Variants in DOCK8 observed in about 807,000 individuals in gnomAD.
DOCK8 encodes the protein dedicator of cytokinesis 8, also known as dedicator of cytokinesis protein 8.
In DOCK8, 141 loss-of-function variants were observed where a neutral mutation model predicts 245.6. That is an observed-to-expected ratio of 0.57 (90% CI 0.50 to 0.66). The LOEUF (loss-of-function observed/expected upper bound fraction) is 0.66. Ranked by LOEUF, DOCK8 falls within the 30% of genes least tolerant of loss-of-function variation. The pLI, the probability that DOCK8 is intolerant of heterozygous loss-of-function variation, is 0.00. For missense variants in DOCK8, 2,965 were observed against 2,603.4 expected, an observed-to-expected ratio of 1.14 and a Z score of -3.02; for synonymous variants, 1,168 against 970.2, an observed-to-expected ratio of 1.20 and a Z score of -3.79.
intron 26 of DOCK8, among the ~76,000 whole-genome samples, chr9:400,385 C>CCAG (rs1564013674): frequency 1.2e-5 from 1 of 85,344 alleles, no homozygotes; most frequent in African/African-American, 5.3e-5. Flanking sequence ...TTCACCATCA[C>CCAG]CATCACCACC....
At chr9:333,633 G>A (rs1586726529) in intron 10 of DOCK8, among the ~76,000 whole-genome samples, 1 of 151,112 alleles carries the variant, frequency 6.6e-6, no homozygotes, top group African/African-American at 2.4e-5. Context: ...TCTGGAATAA[G>A]ACTTACCTTA....
At chr9:252,635 T>C (rs2047676129) in intron 1 of DOCK8, among the ~76,000 whole-genome samples, 1 of 151,872 alleles carries the variant, frequency 6.6e-6, no homozygotes, top group Non-Finnish European at 1.5e-5. Flanking sequence ...AAACCCCATC[T>C]CTACTAAAAA....
At chr9:225,399 T>C (rs1435327422) in intron 1 of DOCK8, among the ~76,000 whole-genome samples, 3 of 152,092 alleles carry the variant, frequency 2.0e-5, no homozygotes, top group Non-Finnish European at 4.4e-5. Flanking sequence ...GCAGAAGGCA[T>C]TGGAAGGGAT....
chr9:255,677 A>C (rs1288227164), intron 1 of DOCK8, among the ~76,000 whole-genome samples: 2 of 151,340 alleles, frequency 1.3e-5, no homozygotes, highest in Admixed American at 1.3e-4. Flanking sequence ...CCAAAAAAAA[A>C]AAAAAAAAAA....
chr9:335,007 A>G (rs2051242813), intron 11 of DOCK8, among the ~76,000 whole-genome samples: 1 of 152,060 alleles, frequency 6.6e-6, no homozygotes, highest in African/African-American at 2.4e-5. Context: ...CGCTTGAACC[A>G]GGGAGGCGAG....
intron 4 of DOCK8, among the ~76,000 whole-genome samples, chr9:292,686 T>G (rs1200852131): frequency 6.6e-6 from 1 of 152,060 alleles, no homozygotes; most frequent in Non-Finnish European, 1.5e-5. Flanking sequence ...TTGTCTACCA[T>G]GTATTAAAAA....
At position 377,141 on chromosome 9, in the gene DOCK8, C is replaced by T; in HGVS notation, c.2370C>T (p.Leu790=). 6.2e-7 allele frequency: 1 copy of T among 1,607,694 alleles called. No individual in the cohort carries two copies. Among genetic ancestry groups the T allele is most frequent in the Non-Finnish European group, 8.5e-7 (1 of 1,179,748 alleles). ...LNSSRLEPLV[L]FLHLVLDKLF... is the part of the protein sequence containing the mutation. ...CCTCCCGCCTGGAGCCGCTCGTGCTCTTCCTGCACCTGGTGCTGGACAAGC... is the reference window on the plus strand; with the variant it reads ...CCTCCCGCCTGGAGCCGCTCGTGCTTTTCCTGCACCTGGTGCTGGACAAGC... The change falls in exon 20 of 48, where the codon CTC becomes CTT. Residue 790 remains leucine (L), a synonymous_variant. Coordinates refer to ENST00000432829, the MANE Select transcript of DOCK8 (RefSeq NM_203447.4).
chr9:368,281 G>A, intron 15 of DOCK8, 146 bp downstream of exon 15: 1 of 794,294 alleles, frequency 1.3e-6, no homozygotes, highest in Non-Finnish European at 2.3e-6. Flanking sequence ...CTGTGCCCAG[G>A]ATATCAGTGG....
intron 19 of DOCK8, 93 bp downstream of exon 19, chr9:376,398 T>A: frequency 1.1e-6 from 1 of 921,578 alleles, no homozygotes; most frequent in Non-Finnish European, 1.8e-6. Flanking sequence ...AATCCTTGTC[T>A]ACAGATAAAT....
intron 1 of DOCK8, among the ~76,000 whole-genome samples, chr9:221,657 C>CA (rs34575251): frequency 2.4e-3 from 289 of 120,158 alleles, no homozygotes; most frequent in African/African-American, 3.5e-3. Context: ...ACTAAAAGTA[C>CA]AAAAAAAAAA....
At chr9:372,030 A>G (rs1481920616) in intron 17 of DOCK8, among the ~76,000 whole-genome samples, 155 bp from the exon 18 acceptor site, 1 of 152,260 alleles carries the variant, frequency 6.6e-6, no homozygotes, top group Non-Finnish European at 1.5e-5. Flanking sequence ...TCGGAGATTT[A>G]AAATGCAAAG....
chr9:398,326 G>A (rs952561276), intron 25 of DOCK8, among the ~76,000 whole-genome samples: 5 of 152,146 alleles, frequency 3.3e-5, no homozygotes, highest in African/African-American at 9.7e-5. Flanking sequence ...TCTTTATCAG[G>A]TCCCCATCCA....
chr9:379,083 G>T (rs993789233), intron 20 of DOCK8, among the ~76,000 whole-genome samples: 1 of 152,176 alleles, frequency 6.6e-6, no homozygotes, highest in African/African-American at 2.4e-5. Context: ...AGTCTCAGAG[G>T]TAAGAGAGCA....
chr9:218,118 G>A (rs1273906928), intron 1 of DOCK8, among the ~76,000 whole-genome samples: 1 of 152,016 alleles, frequency 6.6e-6, no homozygotes, highest in African/African-American at 2.4e-5. Flanking sequence ...TTTCCCTTAC[G>A]TGCCTACCTA....
At chr9:249,632 T>G (rs1190633746) in intron 1 of DOCK8, among the ~76,000 whole-genome samples, 2 of 152,150 alleles carry the variant, frequency 1.3e-5, no homozygotes, top group Non-Finnish European at 2.9e-5. Context: ...TTTTATTTTT[T>G]GAGACGGAGT....
chr9:433,341 G>A (rs951995139), intron 37 of DOCK8, among the ~76,000 whole-genome samples: 1 of 152,174 alleles, frequency 6.6e-6, no homozygotes, highest in African/African-American at 2.4e-5. Context: ...TTACCTGCCA[G>A]GGTCTCTAGA....
At chr9:407,122 T>G in intron 28 of DOCK8, 53 bp downstream of exon 28, 1 of 1,611,990 alleles carries the variant, frequency 6.2e-7, no homozygotes, top group Non-Finnish European at 8.5e-7. Context: ...CAGATGTTCT[T>G]TAATAAAATT....
chr9:218,011 T>C (rs1460333556), intron 1 of DOCK8, among the ~76,000 whole-genome samples: 2 of 152,218 alleles, frequency 1.3e-5, no homozygotes, highest in African/African-American at 4.8e-5. Flanking sequence ...ATCATTTTGG[T>C]AGCAGCATTG....
At chr9:317,844 T>C (rs2050412686) in intron 7 of DOCK8, among the ~76,000 whole-genome samples, 3 of 152,214 alleles carry the variant, frequency 2.0e-5, no homozygotes, top group Admixed American at 2.0e-4. Flanking sequence ...CCTAAATATG[T>C]TCTCATTCCC....
Sources: allele counts gnomAD v4.1 joint callset (sites outside exome capture counted in the v4.1 genomes callset), GRCh38; gene constraint gnomAD v4.1.1; transcripts MANE v1.5; gene names NCBI Gene and HGNC (gene_info 2026-07-23, HGNC 2026-07-21).